The following CALN1 variants were observed in gnomAD, a reference collection of about 807,000 sequenced individuals.
The protein encoded by CALN1 is calneuron 1.
Under a neutral mutation model 30.6 loss-of-function variants are expected in CALN1, and 17 were observed. The ratio of observed to expected loss-of-function variants is 0.56; its 90% CI spans 0.38 to 0.83. The LOEUF (loss-of-function observed/expected upper bound fraction) is 0.83, where lower values mean the gene tolerates loss of function less well. CALN1 is among the 40% of genes least tolerant of loss of function. The pLI is 0.00. For synonymous variants in CALN1, 156 were observed against 131.4 expected (o/e 1.19, Z -1.28); for missense variants, 291 against 354.9 (o/e 0.82, Z 1.45).
At chr7:71,924,665 G>A (rs1056685140) in intron 5 of CALN1, among the ~76,000 whole-genome samples, 1 of 151,678 alleles carries the variant, frequency 6.6e-6, no homozygotes, top group Non-Finnish European at 1.5e-5. Context: ...CTGCCTTCAT[G>A]ATATCTGTTT....
intron 5 of CALN1, among the ~76,000 whole-genome samples, chr7:71,848,473 G>A (rs2116567992): frequency 6.6e-6 from 1 of 152,080 alleles, no homozygotes; most frequent in East Asian, 1.9e-4. Flanking sequence ...AGGATAAACA[G>A]GAAAATAAAA....
chr7:72,036,247 A>ACCT (rs779612514), intron 4 of CALN1, among the ~76,000 whole-genome samples: 2 of 152,124 alleles, frequency 1.3e-5, no homozygotes, highest in Non-Finnish European at 1.5e-5. Context: ...GTGATGAGAC[A>ACCT]CCTCTCTCTT....
At chr7:72,335,505 A>G (rs983484345) in intron 2 of CALN1, among the ~76,000 whole-genome samples, 3 of 152,160 alleles carry the variant, frequency 2.0e-5, no homozygotes, top group Non-Finnish European at 4.4e-5. Flanking sequence ...TCTAGAATGT[A>G]GTTATTATCA....
chr7:72,007,398 T>A (rs1799831719), intron 5 of CALN1, among the ~76,000 whole-genome samples: 1 of 152,074 alleles, frequency 6.6e-6, no homozygotes, highest in African/African-American at 2.4e-5. Flanking sequence ...ATACAAAAAA[T>A]TAGCTGGGTA....
In CALN1 at chr7:71,897,154, C is replaced by T. The variant is rs141419818; in HGVS notation, c.502-86662G>A. On this transcript the variant is annotated intron_variant, in intron 5 of 6. Transcript: ENST00000395275. ...GAAAGCTTTATGGACCTACAAAAGGCCTCCTGTAATATCTGTGAGTCCAGC... is the reference window on the plus strand; with the variant it reads ...GAAAGCTTTATGGACCTACAAAAGGTCTCCTGTAATATCTGTGAGTCCAGC... 2.0e-5 allele frequency among the ~76,000 whole-genome samples: 3 copies of T among 152,258 alleles called. No individual in the cohort carries two copies. In the East Asian group the frequency reaches 5.8e-4, roughly 29 times the overall value.
chr7:72,158,156 G>T (rs937674360), intron 3 of CALN1, among the ~76,000 whole-genome samples: 2 of 152,158 alleles, frequency 1.3e-5, no homozygotes, highest in Admixed American at 1.3e-4. Flanking sequence ...TGCTCTAGGG[G>T]ATAAAAGCAG....
chr7:72,052,193 A>G (rs911173756), intron 4 of CALN1, among the ~76,000 whole-genome samples: 21 of 152,326 alleles, frequency 1.4e-4, no homozygotes, highest in African/African-American at 4.8e-4. Context: ...AAACATTTAA[A>G]AAATCAATCG....
At chr7:72,335,805 C>A (rs2129558435) in intron 2 of CALN1, among the ~76,000 whole-genome samples, 1 of 152,248 alleles carries the variant, frequency 6.6e-6, no homozygotes, top group East Asian at 1.9e-4. Flanking sequence ...AAGACGCAAG[C>A]CGATCCCCTC....
intron 2 of CALN1, among the ~76,000 whole-genome samples, chr7:72,368,739 C>T (rs1315766661): frequency 1.3e-5 from 2 of 151,556 alleles, no homozygotes; most frequent in Non-Finnish European, 2.9e-5. Flanking sequence ...GACACTTCAA[C>T]CATAAGCCAA....
chr7:72,283,038 G>A (rs1407337164), intron 2 of CALN1, among the ~76,000 whole-genome samples: 1 of 138,522 alleles, frequency 7.2e-6, no homozygotes, highest in Non-Finnish European at 1.5e-5. Flanking sequence ...CTGGGTGATC[G>A]AGGGAGACTC....
At chr7:72,160,330 G>A (rs1035452860) in intron 3 of CALN1, among the ~76,000 whole-genome samples, 2 of 151,340 alleles carry the variant, frequency 1.3e-5, no homozygotes, top group African/African-American at 4.9e-5. Context: ...CCAGGCTGGA[G>A]TGCAGTAGTG....
intron 3 of CALN1, among the ~76,000 whole-genome samples, chr7:72,203,769 C>A (rs917810940): frequency 2.0e-5 from 3 of 152,012 alleles, no homozygotes; most frequent in African/African-American, 7.2e-5. Context: ...TCTTTGTTGC[C>A]AAGTAATTTG....
chr7:72,383,759 G>T (rs1261128726), intron 2 of CALN1, among the ~76,000 whole-genome samples: 1 of 152,170 alleles, frequency 6.6e-6, no homozygotes, highest in Non-Finnish European at 1.5e-5. Flanking sequence ...AATAAGCAAT[G>T]ATTTCACAGC....
At chr7:72,127,598 C>A (rs952967012) in intron 3 of CALN1, among the ~76,000 whole-genome samples, 3 of 152,046 alleles carry the variant, frequency 2.0e-5, no homozygotes, top group Admixed American at 6.5e-5. Flanking sequence ...GTACAGCCAG[C>A]AGGGTGTTCT....
intron 5 of CALN1, among the ~76,000 whole-genome samples, chr7:72,021,412 G>A (rs1021587247): frequency 6.6e-6 from 1 of 152,134 alleles, no homozygotes; most frequent in African/African-American, 2.4e-5. Context: ...GTCAAAAGAT[G>A]GCCAGATGGG....
At chr7:72,165,589 C>A (rs1788463362) in intron 3 of CALN1, among the ~76,000 whole-genome samples, 1 of 151,748 alleles carries the variant, frequency 6.6e-6, no homozygotes, top group Non-Finnish European at 1.5e-5. Flanking sequence ...AACTCTGTCT[C>A]CAACAACAAC....
chr7:72,045,088 A>T, intron 4 of CALN1, among the ~76,000 whole-genome samples: 1 of 152,248 alleles, frequency 6.6e-6, no homozygotes, highest in Non-Finnish European at 1.5e-5. Context: ...AAAGACACAA[A>T]GTCACAGCGG....
At chr7:72,480,587 A>C in the CALN1 span, among the ~76,000 whole-genome samples, 1 of 152,128 alleles carries the variant, frequency 6.6e-6, no homozygotes, top group African/African-American at 2.4e-5. Flanking sequence ...TTAATTCAGA[A>C]TTCCGTAAAG....
At position 72,338,436 on chromosome 7, in the gene CALN1, G is replaced by A. The variant is rs1802200619; in HGVS notation, c.120-59626C>T. 4.1e-5 allele frequency among the ~76,000 whole-genome samples: 6 copies of A among 147,872 alleles called. No individual in the cohort carries two copies. In the Admixed American group the frequency reaches 4.1e-4, roughly 10 times the overall value. ...TCTCCACTGTTTGGTTCAACTGCCA[G>A]GGAAGTTTGGGCGTTTTTGTCAGCC... On this transcript the variant is annotated intron_variant, in intron 2 of 6. Coordinates refer to ENST00000395275, the MANE Select transcript of CALN1 (RefSeq NM_031468.4).
Sources: allele counts gnomAD v4.1 joint callset (sites outside exome capture counted in the v4.1 genomes callset), GRCh38; gene constraint gnomAD v4.1.1; transcripts MANE v1.5; gene names NCBI Gene and HGNC (gene_info 2026-07-23, HGNC 2026-07-21).